Variants in CNTN5 observed in about 807,000 individuals in gnomAD.
The protein encoded by CNTN5 is contactin-5.
A neutral mutation model predicts 129.1 loss-of-function variants in CNTN5; 77 were observed. The observed-to-expected ratio is 0.60, with a 90% confidence interval of 0.50 to 0.72. The LOEUF (loss-of-function observed/expected upper bound fraction) is 0.72. Ranked by LOEUF, CNTN5 falls within the 30% of genes least tolerant of loss-of-function variation. The probability of loss-of-function intolerance (pLI) is 0.00; values close to 1 mark genes in which losing one functional copy is unlikely to be tolerated. For synonymous variants in CNTN5, 509 were observed against 465.6 expected, an observed-to-expected ratio of 1.09 and a Z score of -1.20; for missense variants, 1,478 against 1,328.8, an observed-to-expected ratio of 1.11 and a Z score of -1.75.
At chr11:99,205,320 C>A (rs1259740300) in intron 1 of CNTN5, among the ~76,000 whole-genome samples, 2 of 152,128 alleles carry the variant, frequency 1.3e-5, no homozygotes, top group African/African-American at 2.4e-5. Flanking sequence ...TATAGGACAG[C>A]CATTTCCATA....
chr11:100,127,276 T>TA (rs778571673), intron 13 of CNTN5, among the ~76,000 whole-genome samples: 3 of 151,874 alleles, frequency 2.0e-5, no homozygotes, highest in Non-Finnish European at 1.5e-5. Context: ...AGGAATCCCT[T>TA]AAAGATCTCT....
chr11:99,612,131 A>G (rs1237858958), intron 3 of CNTN5, among the ~76,000 whole-genome samples: 1 of 152,202 alleles, frequency 6.6e-6, no homozygotes. Flanking sequence ...TCTGTGAGGT[A>G]CATCATATTA....
At chr11:99,470,818 T>A (rs1310131147) in intron 2 of CNTN5, among the ~76,000 whole-genome samples, 6 of 138,018 alleles carry the variant, frequency 4.3e-5, no homozygotes, top group Admixed American at 2.2e-4. Context: ...AAATTTATTT[T>A]TTTTTATCAT....
chr11:99,913,384 G>T (rs993211091), intron 6 of CNTN5, among the ~76,000 whole-genome samples: 1 of 151,774 alleles, frequency 6.6e-6, no homozygotes, highest in Non-Finnish European at 1.5e-5. Context: ...AAAGAGTTAA[G>T]TGAGAAATGT....
At chr11:100,238,908 T>C (rs1212240674) in intron 16 of CNTN5, among the ~76,000 whole-genome samples, 1 of 152,214 alleles carries the variant, frequency 6.6e-6, no homozygotes, top group Non-Finnish European at 1.5e-5. Flanking sequence ...ATTCTAATGG[T>C]GATAGAGTAC....
chr11:100,075,523 G>T (rs1253275047), intron 13 of CNTN5, among the ~76,000 whole-genome samples: 1 of 152,126 alleles, frequency 6.6e-6, no homozygotes, highest in Non-Finnish European at 1.5e-5. Context: ...CTCTTTTTAT[G>T]CTTAGGTTCA....
chr11:99,522,363 T>G (rs1386586505), intron 2 of CNTN5, among the ~76,000 whole-genome samples: 3 of 152,180 alleles, frequency 2.0e-5, no homozygotes, highest in Admixed American at 1.3e-4. Context: ...AAATCTAATT[T>G]GAAGTATCAG....
At chr11:99,243,652 G>A (rs762458285) in intron 1 of CNTN5, among the ~76,000 whole-genome samples, 9 of 151,624 alleles carry the variant, frequency 5.9e-5, no homozygotes, top group Non-Finnish European at 8.8e-5. Flanking sequence ...GGTGAAAGGC[G>A]GGGTTCCAGT....
intron 3 of CNTN5, among the ~76,000 whole-genome samples, chr11:99,628,609 A>ATGAC (rs1246798559): frequency 2.1e-5 from 2 of 96,892 alleles, no homozygotes; most frequent in Non-Finnish European, 4.4e-5. Flanking sequence ...AAGCTAAATA[A>ATGAC]TGACACACAC....
At chr11:99,402,224 T>C (rs1941849534) in intron 2 of CNTN5, among the ~76,000 whole-genome samples, 1 of 152,166 alleles carries the variant, frequency 6.6e-6, no homozygotes, top group Non-Finnish European at 1.5e-5. Flanking sequence ...GTGGCTTTTA[T>C]TATGTTGAGG....
intron 2 of CNTN5, among the ~76,000 whole-genome samples, chr11:99,525,700 G>A (rs1462769082): frequency 6.6e-6 from 1 of 152,206 alleles, no homozygotes; most frequent in Non-Finnish European, 1.5e-5. Context: ...CTTTAAGAAA[G>A]CAAAAGGAAG....
chr11:100,265,383 T>C (rs1010380595), intron 17 of CNTN5, among the ~76,000 whole-genome samples: 1 of 152,166 alleles, frequency 6.6e-6, no homozygotes, highest in Non-Finnish European at 1.5e-5. Context: ...TTCCTGGTTT[T>C]AGTACCATGC....
At position 100,283,309 on chromosome 11, in the gene CNTN5, A is replaced by G; in HGVS notation, c.2314+12068A>G. Among the ~76,000 whole-genome samples, 2 of 152,154 alleles carry G rather than the reference A, an allele frequency of 1.3e-5. 1 individual carries two copies. Among genetic ancestry groups the G allele is most frequent in the Admixed American group, 1.3e-4 (2 of 15,284 alleles). ...CTGAGCTGGTATCCAAGAAGCAAGA[A>G]AAAGTTCTCCCCACTCTTCCTCCTT... On this transcript the variant is annotated intron_variant, in intron 18 of 24. Coordinates refer to ENST00000524871, the MANE Select transcript of CNTN5 (RefSeq NM_014361.4).
intron 9 of CNTN5, among the ~76,000 whole-genome samples, chr11:100,007,145 T>G (rs569857901): frequency 2.7e-4 from 41 of 152,204 alleles, no homozygotes; most frequent in Non-Finnish European, 4.1e-4. Flanking sequence ...TAGTAAACCA[T>G]GCTGTAAACA....
chr11:99,896,670 C>G (rs576936767), intron 6 of CNTN5, among the ~76,000 whole-genome samples: 4 of 152,154 alleles, frequency 2.6e-5, no homozygotes, highest in African/African-American at 9.7e-5. Context: ...TGATTCTGCC[C>G]CTACCACCCC....
In CNTN5 at chr11:99,411,787, T is replaced by C. The variant is rs183424377; in HGVS notation, c.-71+86303T>C. 9.8e-5 allele frequency among the ~76,000 whole-genome samples: 15 copies of C among 152,322 alleles called. No homozygotes were observed. The Middle Eastern group carries it at 0.014, about 138-fold the overall frequency. On this transcript the variant is annotated intron_variant, in intron 2 of 24. Coordinates refer to ENST00000524871, the MANE Select transcript of CNTN5 (RefSeq NM_014361.4). ...CATGCACTATTTGTTTAAAAATTTC[T>C]AAACTTAGCACTAAAGTCACTGTAT...
intron 16 of CNTN5, among the ~76,000 whole-genome samples, chr11:100,242,488 G>T (rs1456212158): frequency 2.6e-5 from 4 of 152,170 alleles, no homozygotes; most frequent in African/African-American, 9.7e-5. Flanking sequence ...AGGCTGTACA[G>T]GAAGTATGGC....
chr11:99,671,093 TCTCGCTCG>T (rs150383524), intron 3 of CNTN5, among the ~76,000 whole-genome samples: 18 of 152,020 alleles, frequency 1.2e-4, no homozygotes, highest in African/African-American at 3.6e-4. Flanking sequence ...TTGTGAGTTC[TCTCGCTCG>T]CTCGCTCGCT....
chr11:99,863,938 G>A (rs1948285445), intron 6 of CNTN5, among the ~76,000 whole-genome samples: 1 of 152,018 alleles, frequency 6.6e-6, no homozygotes, highest in Non-Finnish European at 1.5e-5. Flanking sequence ...AGTGAATCTT[G>A]GGCAGGTTGT....
Sources: allele counts gnomAD v4.1 joint callset (sites outside exome capture counted in the v4.1 genomes callset), GRCh38; gene constraint gnomAD v4.1.1; transcripts MANE v1.5; gene names NCBI Gene and HGNC (gene_info 2026-07-23, HGNC 2026-07-21).